The following CENPK variants were observed in gnomAD, a reference collection of about 807,000 sequenced individuals.
The protein encoded by CENPK is SoxLZ/Sox6-binding protein Solt.
A neutral mutation model predicts 40.9 loss-of-function variants in CENPK; 46 were observed. That is an observed-to-expected ratio of 1.13 (90% confidence interval 0.89 to 1.44). The LOEUF (loss-of-function observed/expected upper bound fraction) is 1.44. Ranked by LOEUF, CENPK falls within the 40% of genes most tolerant of loss-of-function variation. The pLI, the probability that CENPK is intolerant of heterozygous loss-of-function variation, is 0.00. For missense variants in CENPK, 288 were observed against 303.5 expected, an observed-to-expected ratio of 0.95 and a Z score of 0.38; for synonymous variants, 107 against 104.4, an observed-to-expected ratio of 1.02 and a Z score of -0.15.
intron 4 of CENPK, among the ~76,000 whole-genome samples, chr5:65,551,962 T>A (rs1750152054): frequency 6.9e-6 from 1 of 144,504 alleles, no homozygotes; most frequent in Non-Finnish European, 1.5e-5. Context: ...TTTGTTCTAT[T>A]TTTTTTTTTT....
At chr5:65,523,539 A>C (rs909219757) in intron 9 of CENPK, among the ~76,000 whole-genome samples, 5 of 152,204 alleles carry the variant, frequency 3.3e-5, no homozygotes, top group African/African-American at 1.2e-4. Flanking sequence ...TGAAAATCTA[A>C]TACCTTAGTA....
At chr5:65,539,988 G>A (rs1406933837) in intron 6 of CENPK, among the ~76,000 whole-genome samples, 1 of 152,198 alleles carries the variant, frequency 6.6e-6, no homozygotes, top group Non-Finnish European at 1.5e-5. Context: ...ACAGACTCCT[G>A]TAGCCCTTAC....
Position 65,518,119 on chromosome 5 carries a change from C to T in CENPK, c.*356G>A, listed in dbSNP as rs1260858610. On this transcript the variant is annotated 3_prime_UTR_variant, in exon 11 of 11. Coordinates refer to ENST00000396679, the MANE Select transcript of CENPK (RefSeq NM_022145.5). ...ATATAAAGAAGCACCAGCTGGAACTCAAAATGCATAAAAGATATTGTTATA... is the reference window on the plus strand; with the variant it reads ...ATATAAAGAAGCACCAGCTGGAACTTAAAATGCATAAAAGATATTGTTATA... 6.5e-6 allele frequency: 1 copy of T among 153,458 alleles called. No individual in the cohort carries two copies. Among genetic ancestry groups the T allele is most frequent in the Non-Finnish European group, 1.4e-5 (1 of 69,012 alleles). 9.5% of individuals were successfully genotyped at this position (153,458 alleles called of 1,614,324 possible).
At chr5:65,509,877 T>C in the CENPK span, among the ~76,000 whole-genome samples, 1 of 152,248 alleles carries the variant, frequency 6.6e-6, no homozygotes, top group East Asian at 1.9e-4. Flanking sequence ...GTCTGTTATG[T>C]TGATGTGTAA....
rs10070324 is a variant in CENPK at position 65,551,829 on chromosome 5, C to A, written c.169-193G>T. Among the ~76,000 whole-genome samples, 235 of 152,188 alleles carry A rather than the reference C, an allele frequency of 1.5e-3. 1 individual carries two copies. The highest frequency in any genetic ancestry group is 5.6e-3 in the African/African-American group (232 of 41,530). On this transcript the variant is annotated intron_variant, in intron 4 of 10. Coordinates refer to ENST00000396679, the MANE Select transcript of CENPK (RefSeq NM_022145.5). Reference sequence around the variant, plus strand: ...CCACTGATCTATTCCTACAGCAATTCCATAATTCTGATTATTATAATGAAT... The same window carrying A: ...CCACTGATCTATTCCTACAGCAATTACATAATTCTGATTATTATAATGAAT...
Position 65,528,440 on chromosome 5 carries a change from T to C in CENPK, c.597+12A>G. ...TATGATAATTTACATAAATGTCTTC[T>C]CTAAAACTTACCTTTTTCTTTTTAA... On this transcript the variant is annotated intron_variant, in intron 9 of 10. Transcript: ENST00000396679. The C allele has an allele frequency of 6.3e-7, 1 of 1,580,046 alleles. No individual in the cohort carries two copies. Among genetic ancestry groups the C allele is most frequent in the South Asian group, 1.2e-5 (1 of 84,590 alleles).
chr5:65,540,951 GCACACACCATCA>G (rs1180092914), intron 6 of CENPK, among the ~76,000 whole-genome samples: 2 of 151,754 alleles, frequency 1.3e-5, no homozygotes, highest in Non-Finnish European at 2.9e-5. Flanking sequence ...GGGACTACAG[GCACACACCATCA>G]CACACACACC....
downstream of CENPK, among the ~76,000 whole-genome samples, chr5:65,516,082 T>C (rs1179238370): frequency 6.6e-6 from 1 of 152,190 alleles, no homozygotes; most frequent in East Asian, 1.9e-4. Context: ...CTAACCTTAA[T>C]ATCTTCCAAG....
the CENPK span, among the ~76,000 whole-genome samples, chr5:65,495,822 A>C: frequency 6.6e-6 from 1 of 152,224 alleles, no homozygotes; most frequent in East Asian, 1.9e-4. Context: ...AATTAAAACA[A>C]GATTTTTATA....
intron 10 of CENPK, among the ~76,000 whole-genome samples, chr5:65,521,010 A>G (rs1743625478): frequency 6.6e-6 from 1 of 152,190 alleles, no homozygotes; most frequent in African/African-American, 2.4e-5. Flanking sequence ...GTAAGAAAAG[A>G]GACTGATGTT....
chr5:65,533,886 C>T (rs1424304971), intron 6 of CENPK, among the ~76,000 whole-genome samples: 1 of 151,376 alleles, frequency 6.6e-6, no homozygotes, highest in Non-Finnish European at 1.5e-5. Flanking sequence ...ACTAAAAATA[C>T]AAAACAAAAT....
chr5:65,561,400 T>A (rs1236403724), intron 2 of CENPK, 63 bp downstream of exon 2: 1 of 379,474 alleles, frequency 2.6e-6, no homozygotes, highest in African/African-American at 2.1e-5. Flanking sequence ...ATTATCTGGC[T>A]TGGCGATTTA....
chr5:65,559,462 T>C (rs1326793375), intron 2 of CENPK, among the ~76,000 whole-genome samples: 23 of 151,642 alleles, frequency 1.5e-4, no homozygotes, highest in African/African-American at 5.6e-4. Context: ...ACCCCGTCTC[T>C]ACTAAAAATA....
chr5:65,533,802 G>T lies in CENPK; in HGVS notation c.289-4603C>A, dbSNP rs140932386. Among the ~76,000 whole-genome samples, 168 of 151,986 alleles carry T rather than the reference G, an allele frequency of 1.1e-3. 1 individual carries two copies. The East Asian group carries it at 0.013, about 12-fold the overall frequency. ...TCAAGCCTGAAATCCCATCACTTTG[G>T]GAGGCCAAGGTGGGCAGATCATGAG... On this transcript the variant is annotated intron_variant, in intron 6 of 10. Transcript: ENST00000396679.
chr5:65,515,314 C>T (rs1475734838), downstream of CENPK, among the ~76,000 whole-genome samples: 2 of 151,088 alleles, frequency 1.3e-5, no homozygotes, highest in Admixed American at 6.7e-5. Context: ...GGCCATCCTC[C>T]GCCTCAGCCT....
At chr5:65,537,006 T>C (rs1747031895) in intron 6 of CENPK, among the ~76,000 whole-genome samples, 1 of 152,238 alleles carries the variant, frequency 6.6e-6, no homozygotes, top group Non-Finnish European at 1.5e-5. Flanking sequence ...CTGTCTCTTG[T>C]ATTCACTTCC....
intron 5 of CENPK, among the ~76,000 whole-genome samples, chr5:65,545,972 A>G (rs1198902140): frequency 2.0e-5 from 3 of 152,240 alleles, no homozygotes; most frequent in Admixed American, 2.0e-4. Flanking sequence ...GAAAATGTTG[A>G]TAACTGTAGA....
intron 6 of CENPK, among the ~76,000 whole-genome samples, chr5:65,541,616 T>C (rs1747999733): frequency 6.6e-6 from 1 of 152,240 alleles, no homozygotes; most frequent in Non-Finnish European, 1.5e-5. Flanking sequence ...CTGTGCATAT[T>C]TCTACCAACA....
chr5:65,547,016 T>C (rs16893944), intron 5 of CENPK, among the ~76,000 whole-genome samples: 5,037 of 152,284 alleles, frequency 0.033, 280 homozygotes, highest in African/African-American at 0.12. Flanking sequence ...TGGAAGTTAT[T>C]ATTACAGATA....
Sources: gnomAD v4.1 joint callset for allele counts (sites outside exome capture counted in the v4.1 genomes callset) on GRCh38, gnomAD v4.1.1 for gene constraint, MANE v1.5 for transcripts, NCBI Gene and HGNC (gene_info 2026-07-23, HGNC 2026-07-21) for gene names.